Variants in BTRC observed in about 807,000 individuals in gnomAD.
The protein encoded by BTRC is F-box/WD repeat-containing protein 1A.
Under a neutral mutation model 85.5 loss-of-function variants are expected in BTRC, and 42 were observed. The observed-to-expected ratio is 0.49, with a 90% CI of 0.38 to 0.64. BTRC has a LOEUF of 0.64. Among genes scored for constraint, BTRC ranks in the 30% least tolerant of loss-of-function variants. The pLI is 0.00. For synonymous variants in BTRC, 255 were observed against 263.3 expected (o/e 0.97, Z 0.30); for missense variants, 594 against 743.5 (o/e 0.80, Z 2.34).
At chr10:101,375,212 C>T (rs184250500) in intron 1 of BTRC, among the ~76,000 whole-genome samples, 30 of 152,274 alleles carry the variant, frequency 2.0e-4, no homozygotes, top group Admixed American at 1.8e-3. Context: ...GTGCTGTTTT[C>T]GTGATAGAGT....
chr10:101,359,573 G>A (rs557908821), intron 1 of BTRC, among the ~76,000 whole-genome samples: 10 of 151,360 alleles, frequency 6.6e-5, no homozygotes, highest in East Asian at 1.9e-4. Context: ...AATTACAGGC[G>A]TGTACCACCT....
At chr10:101,454,321 A>G (rs909141605) in intron 2 of BTRC, among the ~76,000 whole-genome samples, 2 of 152,224 alleles carry the variant, frequency 1.3e-5, no homozygotes, top group Admixed American at 1.3e-4. Flanking sequence ...TGTTGTGTGG[A>G]TCAAGATTAA....
chr10:101,522,085 T>A (rs1186133260), intron 5 of BTRC, among the ~76,000 whole-genome samples: 28 of 128,038 alleles, frequency 2.2e-4, no homozygotes, highest in Admixed American at 1.9e-3. Flanking sequence ...CAGGCTGGAA[T>A]GCAGTGGTGT....
chr10:101,543,786 CTA>C (rs1211591297), intron 13 of BTRC, among the ~76,000 whole-genome samples: 2 of 152,132 alleles, frequency 1.3e-5, no homozygotes, highest in Admixed American at 1.3e-4. Flanking sequence ...ACTTAAAACA[CTA>C]TATGTTCATT....
chr10:101,542,289 T>A (rs904039054), intron 13 of BTRC, among the ~76,000 whole-genome samples: 1 of 152,060 alleles, frequency 6.6e-6, no homozygotes, highest in African/African-American at 2.4e-5. Context: ...TTTTTTTTTT[T>A]ATTTTTCTAG....
intron 1 of BTRC, among the ~76,000 whole-genome samples, chr10:101,366,085 C>T (rs1311128408): frequency 6.6e-6 from 1 of 152,098 alleles, no homozygotes; most frequent in African/African-American, 2.4e-5. Context: ...TGTCAATTTA[C>T]ACCATAAAAC....
At chr10:101,406,814 G>T (rs960765489) in intron 1 of BTRC, among the ~76,000 whole-genome samples, 1 of 152,132 alleles carries the variant, frequency 6.6e-6, no homozygotes, top group Non-Finnish European at 1.5e-5. Context: ...GATTACAGGC[G>T]TGAGCCACCG....
At chr10:101,457,145 A>G (rs993576757) in intron 2 of BTRC, among the ~76,000 whole-genome samples, 14 of 152,250 alleles carry the variant, frequency 9.2e-5, no homozygotes, top group African/African-American at 3.4e-4. Flanking sequence ...TAAAAGTTAC[A>G]TGAATATGCT....
At chr10:101,411,161 A>G (rs957086195) in intron 1 of BTRC, among the ~76,000 whole-genome samples, 4 of 151,518 alleles carry the variant, frequency 2.6e-5, no homozygotes, top group African/African-American at 7.3e-5. Context: ...ACGCCTGGCT[A>G]TTTTGTTTTT....
At chr10:101,525,987 T>A in intron 5 of BTRC, 26 bp from the exon 6 acceptor site, 1 of 1,607,452 alleles carries the variant, frequency 6.2e-7, no homozygotes, top group East Asian at 2.2e-5. Context: ...GTGTTCTTTT[T>A]CTTTGCCTCC....
chr10:101,542,720 C>A (rs1054799964), intron 13 of BTRC, among the ~76,000 whole-genome samples: 1 of 152,032 alleles, frequency 6.6e-6, no homozygotes, highest in African/African-American at 2.4e-5. Flanking sequence ...CACAGGCGTG[C>A]GCCACCACGT....
At chr10:101,544,574 T>C (rs2062527531) in intron 13 of BTRC, among the ~76,000 whole-genome samples, 1 of 152,018 alleles carries the variant, frequency 6.6e-6, no homozygotes, top group Non-Finnish European at 1.5e-5. Flanking sequence ...TCTGGCTAAT[T>C]TTCTTTATTT....
intron 3 of BTRC, among the ~76,000 whole-genome samples, chr10:101,470,108 T>G (rs1270165857): frequency 6.6e-6 from 1 of 152,220 alleles, no homozygotes; most frequent in Non-Finnish European, 1.5e-5. Context: ...ACATTTTCTT[T>G]GTGAAGTATC....
At chr10:101,414,126 A>G (rs1288273169) in intron 1 of BTRC, among the ~76,000 whole-genome samples, 2 of 152,138 alleles carry the variant, frequency 1.3e-5, no homozygotes, top group Non-Finnish European at 2.9e-5. Flanking sequence ...ACAACTCCCC[A>G]TTACCCATCA....
intron 4 of BTRC, among the ~76,000 whole-genome samples, chr10:101,514,798 G>GT (rs2062001294): frequency 6.6e-6 from 1 of 151,992 alleles, no homozygotes; most frequent in African/African-American, 2.4e-5. Flanking sequence ...TCAGTTGGCT[G>GT]TATGTATTTC....
chr10:101,403,662 C>G (rs555081284), intron 1 of BTRC, among the ~76,000 whole-genome samples: 1 of 152,196 alleles, frequency 6.6e-6, no homozygotes, highest in South Asian at 2.1e-4. Context: ...ATGATCATGG[C>G]TCACTGCAGC....
At chr10:101,464,673 C>T (rs147611816) in intron 3 of BTRC, among the ~76,000 whole-genome samples, 1 of 151,996 alleles carries the variant, frequency 6.6e-6, no homozygotes, top group Non-Finnish European at 1.5e-5. Flanking sequence ...TCTCCATTCT[C>T]TTTGTGAAGA....
intron 1 of BTRC, among the ~76,000 whole-genome samples, chr10:101,364,098 T>C (rs1421883739): frequency 6.6e-6 from 1 of 151,704 alleles, no homozygotes; most frequent in Non-Finnish European, 1.5e-5. Context: ...TGCAGTGATC[T>C]AGTACAGTTG....
intron 1 of BTRC, among the ~76,000 whole-genome samples, chr10:101,355,199 C>T (rs1480205516): frequency 6.6e-6 from 1 of 151,972 alleles, no homozygotes; most frequent in African/African-American, 2.4e-5. Flanking sequence ...ATGAGAGTTG[C>T]AAAGACCCAT....
Sources: allele counts gnomAD v4.1 joint callset (sites outside exome capture counted in the v4.1 genomes callset), GRCh38; gene constraint gnomAD v4.1.1; transcripts MANE v1.5; gene names NCBI Gene and HGNC (gene_info 2026-07-23, HGNC 2026-07-21).